The following CCDC197 variants were observed in gnomAD, a reference collection of about 807,000 sequenced individuals.
CCDC197 encodes uncharacterized protein CCDC197.
CCDC197 carries 24 observed loss-of-function variants against 13.4 expected under a neutral mutation model. The observed-to-expected ratio is 1.80, with a 90% CI of 1.30 to 2.53. CCDC197 has a LOEUF of 2.53. CCDC197 is among the 30% of genes most tolerant of loss of function. CCDC197 has a pLI of 0.00. For synonymous variants in CCDC197, 99 were observed against 55.5 expected (o/e 1.78, Z -3.48); for missense variants, 255 against 148.8 (o/e 1.71, Z -3.71).
chr14:94,008,652 T>C lies in CCDC197; in HGVS notation c.659T>C (p.Leu220Pro), dbSNP rs1432703446. The C allele has an allele frequency of 5.7e-6, 4 of 703,080 alleles. No homozygotes were observed. The highest frequency in any genetic ancestry group is 2.3e-4 in the Middle Eastern group (1 of 4,370). The allele number at this position is 703,080 out of a possible 1,614,324, so 43.6% of individuals were successfully genotyped here. ...ATGGAGACTGTAAGACTGATCGCAC[T>C]GCTCACGGAACCCAAAGTGTGCTGG... The part of the protein sequence containing the change: ...DKMETVRLIA[L>P]LTEPKVCWSW... Residue 220 changes from leucine to proline, a missense_variant, in exon 7 of 7, where the codon CTG (leucine) becomes CCG (proline). Physicochemically the swap from Leu to Pro is moderately conservative, Grantham distance 98 (BLOSUM62 -3). Coordinates refer to ENST00000636493, the MANE Select transcript of CCDC197 (RefSeq NM_001351596.2).
At chr14:94,007,011 A>C (rs1440385116) in intron 6 of CCDC197, 1 of 151,946 alleles carries the variant, frequency 6.6e-6, no homozygotes, top group Non-Finnish European at 1.5e-5. Context: ...TTTTTGGTAG[A>C]GACAGGGTTT....
downstream of CCDC197, among the ~76,000 whole-genome samples, chr14:94,009,124 G>A (rs1354654502): frequency 1.3e-5 from 2 of 152,238 alleles, no homozygotes; most frequent in Non-Finnish European, 2.9e-5. Flanking sequence ...CACTTTCATG[G>A]TGGGTTCCTG....
chr14:94,009,154 G>A (rs761821994), downstream of CCDC197, among the ~76,000 whole-genome samples: 3 of 152,186 alleles, frequency 2.0e-5, no homozygotes, highest in East Asian at 3.8e-4. Context: ...AGCTTTGGAC[G>A]GATGCTTGGC....
intron 4 of CCDC197, among the ~76,000 whole-genome samples, chr14:94,001,958 C>T (rs1186176219): frequency 6.6e-6 from 1 of 152,174 alleles, no homozygotes; most frequent in African/African-American, 2.4e-5. Flanking sequence ...AGAGCATCTG[C>T]CCCCTAGTGG....
chr14:94,001,453 G>A (rs896828032), intron 4 of CCDC197, 130 bp downstream of exon 4: 1 of 552,880 alleles, frequency 1.8e-6, no homozygotes, highest in African/African-American at 1.9e-5. Flanking sequence ...GCCCTCGGTG[G>A]GGCTGTCGCT....
chr14:94,003,469 A>T lies in CCDC197; in HGVS notation c.498+115A>T. On this transcript the variant is annotated intron_variant, in intron 5 of 6. Coordinates refer to ENST00000636493, the MANE Select transcript of CCDC197 (RefSeq NM_001351596.2). This position sits in a 1 kb window ranked among gnomAD's most constrained non-coding sequence, Gnocchi z 5.0. ...CATACGCACGCAGACACACACACAC[A>T]GAGCCAGACACATAGACACACAGGC... 3.1e-6 allele frequency: 2 copies of T among 636,922 alleles called. No homozygotes were observed. The highest frequency in any genetic ancestry group is 5.5e-5 in the East Asian group (2 of 36,300). The allele number at this position is 636,922 out of a possible 1,614,324, so 39.5% of individuals were successfully genotyped here.
intron 4 of CCDC197, among the ~76,000 whole-genome samples, chr14:94,002,408 C>A (rs1225487673): frequency 6.6e-6 from 1 of 152,174 alleles, no homozygotes; most frequent in Non-Finnish European, 1.5e-5. Context: ...CCTGCCTCTG[C>A]CTTCCGAGTA....
chr14:93,992,857 C>G (rs1890234822), upstream of CCDC197, among the ~76,000 whole-genome samples: 1 of 152,166 alleles, frequency 6.6e-6, no homozygotes, highest in Admixed American at 6.5e-5. Flanking sequence ...GAAGTGGGTG[C>G]TGGGCCAGGC....
At chr14:93,994,413 C>T (rs908559178), upstream of CCDC197, among the ~76,000 whole-genome samples, 44 of 152,244 alleles carry the variant, frequency 2.9e-4, no homozygotes, top group African/African-American at 1.0e-3. Flanking sequence ...GCTACCACCA[C>T]CCTAGAGGAC....
chr14:93,996,416 C>G (rs1289391018), upstream of CCDC197, among the ~76,000 whole-genome samples: 4 of 152,188 alleles, frequency 2.6e-5, no homozygotes, highest in Non-Finnish European at 5.9e-5. Flanking sequence ...GCCCCTGAGC[C>G]CAGCCCCGAC....
rs779394459 is a variant in CCDC197, at chr14:94,001,206, G to C, written c.249G>C (p.Gly83=). Residue 83 remains glycine, a synonymous_variant, in exon 4 of 7, where the codon GGG becomes GGC. Transcript: ENST00000636493. ...TGGAGGCCACGGTGAAGCACTACGG[G>C]AAGCTCTTCACAGCCAGCCAGGACA... ...VLVEATVKHY[G]KLFTASQDTQ... 1 of 780,810 alleles carries C rather than the reference G, an allele frequency of 1.3e-6. No individual in the cohort carries two copies. The highest frequency in any genetic ancestry group is 2.4e-5 in the East Asian group (1 of 41,244). The allele number at this position is 780,810 out of a possible 1,614,324, so 48.4% of individuals were successfully genotyped here. A position where few individuals can be genotyped will look rare whatever the true frequency, so the allele number is the denominator to read the frequency against.
chr14:93,991,551 G>A (rs1318504706), intron 1 of CCDC197, among the ~76,000 whole-genome samples: 1 of 152,202 alleles, frequency 6.6e-6, no homozygotes. Flanking sequence ...CCTGCTGTGG[G>A]TCCAGTACTA....
In CCDC197 at chr14:93,989,524, C is replaced by T. The variant is rs141640512; in HGVS notation, c.-107+2128C>T. Among the ~76,000 whole-genome samples, 410 of 152,272 alleles carry T rather than the reference C, an allele frequency of 2.7e-3. 2 individuals carry two copies. The highest frequency in any genetic ancestry group is 4.9e-3 in the Non-Finnish European group (330 of 67,984). ...ATGGATGGCCTTTCTCCTCCACACC[C>T]TTCCTAGGAAGCCATCAGGATTTCA... On this transcript the variant is annotated intron_variant, in intron 1 of 7. Coordinates refer to the CCDC197 transcript ENST00000640978.
intron 1 of CCDC197, among the ~76,000 whole-genome samples, chr14:93,992,293 G>C (rs1489330399): frequency 6.6e-6 from 1 of 152,180 alleles, no homozygotes; most frequent in African/African-American, 2.4e-5. Flanking sequence ...ACCAACATGG[G>C]CCAGCGAAGA....
upstream of CCDC197, among the ~76,000 whole-genome samples, chr14:93,992,429 G>T (rs1428827380): frequency 6.6e-6 from 1 of 152,172 alleles, no homozygotes; most frequent in Non-Finnish European, 1.5e-5. Flanking sequence ...ACCCAGGCCT[G>T]CAGGGTCCCT....
chr14:94,005,107 G>A, intron 6 of CCDC197, 136 bp downstream of exon 6: 1 of 604,324 alleles, frequency 1.7e-6, no homozygotes, highest in Non-Finnish European at 3.0e-6. Context: ...CTACATTGGT[G>A]CCTGGTGCAG....
At chr14:93,998,962 G>A (rs1046289958) in intron 2 of CCDC197, among the ~76,000 whole-genome samples, 11 of 152,224 alleles carry the variant, frequency 7.2e-5, no homozygotes, top group African/African-American at 2.7e-4. Context: ...CCCCACTCTG[G>A]TCTCTGCCCT....
chr14:94,010,124 A>G (rs910285186), downstream of CCDC197, among the ~76,000 whole-genome samples: 2 of 152,168 alleles, frequency 1.3e-5, no homozygotes, highest in Non-Finnish European at 2.9e-5. Flanking sequence ...TAAATAGGAA[A>G]GATACACGGA....
chr14:93,990,882 A>G lies in CCDC197; in HGVS notation c.-107+3486A>G, dbSNP rs559818443. 8.5e-5 allele frequency among the ~76,000 whole-genome samples: 13 copies of G among 152,306 alleles called. 1 individual carries two copies. In the South Asian group the frequency reaches 2.5e-3, roughly 29 times the overall value. Reference sequence around the variant, plus strand: ...GCTGAATGCTTTACGTATACCAGCTAATTTCATCTCCACAGCAACCCCAGG... The same window carrying G: ...GCTGAATGCTTTACGTATACCAGCTGATTTCATCTCCACAGCAACCCCAGG... On this transcript the variant is annotated intron_variant, in intron 1 of 7. Transcript: ENST00000640978.
Sources: gnomAD v4.1 joint callset for allele counts (sites outside exome capture counted in the v4.1 genomes callset) on GRCh38, gnomAD v4.1.1 for gene constraint, Gnocchi (gnomAD v3.1) non-coding constraint, MANE v1.5 for transcripts, NCBI Gene and HGNC (gene_info 2026-07-23, HGNC 2026-07-21) for gene names.